The following DHX33 variants were observed in gnomAD, a reference collection of about 807,000 sequenced individuals.
DHX33 encodes ATP-dependent RNA helicase DHX33.
DHX33 carries 42 observed loss-of-function variants against 72.5 expected under a neutral mutation model. The observed-to-expected ratio is 0.58, with a 90% CI of 0.45 to 0.75. The LOEUF is 0.75. Ranked by LOEUF, DHX33 falls within the 30% of genes least tolerant of loss-of-function variation. The pLI is 0.00. For missense variants in DHX33, 842 were observed against 917.5 expected (o/e 0.92, Z 1.06); for synonymous variants, 358 against 366.1 (o/e 0.98, Z 0.25).
At chr17:5,460,301 A>G (rs2151690153) in intron 4 of DHX33, among the ~76,000 whole-genome samples, 1 of 152,276 alleles carries the variant, frequency 6.6e-6, no homozygotes, top group South Asian at 2.1e-4. Flanking sequence ...GGCGTGAGCC[A>G]CTGTGCCCAG....
At position 5,463,532 on chromosome 17, in the gene DHX33, C is replaced by A. The variant is rs1274568856; in HGVS notation, c.447G>T (p.Lys149Asn). 6.2e-7 allele frequency: 1 copy of A among 1,613,828 alleles called. No individual in the cohort carries two copies. Among genetic ancestry groups the A allele is most frequent in the South Asian group, 1.1e-5 (1 of 91,040 alleles). Residue 149 changes from lysine to asparagine, a missense_variant, in exon 2 of 12, where the codon AAG (lysine) becomes AAT (asparagine). Physicochemically the swap from Lys to Asn is moderately conservative, Grantham distance 94. Transcript: ENST00000225296. ...VSDEKRTELGKLVGYTVRFDD... is the reference protein window; with the variant it reads ...VSDEKRTELGNLVGYTVRFDD... ...TAGTCAAGAAGGAACCAGGTACCAGCTTCCCAAGTTCAGTTCTCTTCTCAT... is the reference window on the plus strand; with the variant it reads ...TAGTCAAGAAGGAACCAGGTACCAGATTCCCAAGTTCAGTTCTCTTCTCAT...
intron 4 of DHX33, among the ~76,000 whole-genome samples, chr17:5,457,054 C>A (rs1904349983): frequency 1.3e-5 from 2 of 152,308 alleles, no homozygotes; most frequent in Middle Eastern, 3.4e-3. Context: ...ATGTAAAGTG[C>A]TTAACACTTT....
rs1916416800 is a variant in DHX33 at position 5,440,998 on chromosome 17, T to C, written c.*3207A>G. 2 of 152,240 alleles carry C rather than the reference T, an allele frequency of 1.3e-5. 1 individual carries two copies. The highest frequency in any genetic ancestry group is 4.8e-5 in the African/African-American group (2 of 41,466). 9.4% of individuals were successfully genotyped at this position (152,240 alleles called of 1,614,324 possible). On this transcript the variant is annotated 3_prime_UTR_variant, in exon 12 of 12. Transcript: ENST00000225296. ...CAAGAGCTTTCTGTAGAGTTATTTC[T>C]GTTCAAATAAAACCAGACTCTCAAA...
chr17:5,445,795 C>A (rs1421082865), intron 11 of DHX33, among the ~76,000 whole-genome samples: 1 of 152,214 alleles, frequency 6.6e-6, no homozygotes, highest in East Asian at 1.9e-4. Context: ...GCAAGAGAAG[C>A]AGCAGGTCCA....
chr17:5,448,185 ACT>A (rs1208290330), intron 11 of DHX33, among the ~76,000 whole-genome samples: 1 of 152,162 alleles, frequency 6.6e-6, no homozygotes, highest in East Asian at 1.9e-4. Flanking sequence ...ACAGAGCAAG[ACT>A]CTGTCTCAAA....
At chr17:5,454,942 T>C (rs1245614119) in intron 6 of DHX33, among the ~76,000 whole-genome samples, 1 of 152,176 alleles carries the variant, frequency 6.6e-6, no homozygotes, top group Non-Finnish European at 1.5e-5. Context: ...CCAAGTTTGC[T>C]CAACCTGGGC....
chr17:5,460,938 C>A lies in DHX33; in HGVS notation c.849+1G>T. The A allele has an allele frequency of 6.2e-7, 1 of 1,610,698 alleles. No homozygotes were observed. The highest frequency in any genetic ancestry group is 8.5e-7 in the Non-Finnish European group (1 of 1,177,578). ...TCAGGAATTTGCCCCCAGCACCATA[C>A]CTGGTGGATCTGGAAGACGGAGACA... On this transcript the variant is annotated splice_donor_variant, in intron 4 of 11. Transcript: ENST00000225296. LOFTEE classifies it high-confidence loss of function.
At chr17:5,451,007 G>C in intron 8 of DHX33, 73 bp from the exon 9 acceptor site, 1 of 1,561,236 alleles carries the variant, frequency 6.4e-7, no homozygotes, top group Non-Finnish European at 8.7e-7. Flanking sequence ...AGTATTTCTG[G>C]GAGCTTCTGA....
At chr17:5,453,055 A>G (rs1917020281) in intron 8 of DHX33, among the ~76,000 whole-genome samples, 1 of 152,258 alleles carries the variant, frequency 6.6e-6, no homozygotes, top group African/African-American at 2.4e-5. Context: ...TTACTAATGA[A>G]CAGGAGAGAT....
chr17:5,464,413 C>G (rs933485654), intron 1 of DHX33, among the ~76,000 whole-genome samples: 3 of 151,958 alleles, frequency 2.0e-5, no homozygotes, highest in African/African-American at 4.8e-5. Flanking sequence ...GATAAAATAC[C>G]CTGTGTTGGT....
Position 5,468,739 on chromosome 17 carries a change from C to G in DHX33, c.121G>C (p.Gly41Arg). The G allele has an allele frequency of 6.2e-7, 1 of 1,611,262 alleles. No individual in the cohort carries two copies. The highest frequency in any genetic ancestry group is 8.5e-7 in the Non-Finnish European group (1 of 1,179,086). Residue 41 changes from glycine to arginine, a missense_variant, in exon 1 of 12, where the codon GGC becomes CGC. Physicochemically the swap from Gly to Arg is moderately radical, Grantham distance 125. Transcript: ENST00000225296. Reference protein sequence around the residue: ...QVVMLLTAGSGGRGGGGGRRQ... With the variant: ...QVVMLLTAGSRGRGGGGGRRQ... ...CGGCCTCCTCCTCCTCCTCTGCCGC[C>G]GCTGCCCGCAGTCAGCAGCATCACC...
Position 5,450,938 on chromosome 17 carries a change from A to T in DHX33, c.1397-4T>A. Reference sequence around the variant, plus strand: ...GCAATGGCCGCCTGAATGTGATCTAAAGAAACAGAGACATAAAAAGGAGCC... The same window carrying T: ...GCAATGGCCGCCTGAATGTGATCTATAGAAACAGAGACATAAAAAGGAGCC... On this transcript the variant is annotated splice_polypyrimidine_tract_variant and splice_region_variant and intron_variant, in intron 8 of 11. Coordinates refer to ENST00000225296, the MANE Select transcript of DHX33 (RefSeq NM_020162.4). The T allele has an allele frequency of 6.2e-7, 1 of 1,612,982 alleles. No individual in the cohort carries two copies. Among genetic ancestry groups the T allele is most frequent in the Non-Finnish European group, 8.5e-7 (1 of 1,179,664 alleles).
chr17:5,441,085 G>T lies in DHX33; in HGVS notation c.*3120C>A, dbSNP rs1224993665. ...CTCCCTCTAGTTACCAAGGAATATC[G>T]TATCTCAGATGCATGGCCTACTATC... On this transcript the variant is annotated 3_prime_UTR_variant, in exon 12 of 12. Coordinates refer to ENST00000225296, the MANE Select transcript of DHX33 (RefSeq NM_020162.4). 1 of 151,180 alleles carries T rather than the reference G, an allele frequency of 6.6e-6. No homozygotes were observed. Among genetic ancestry groups the T allele is most frequent in the Non-Finnish European group, 1.5e-5 (1 of 67,870 alleles). 9.4% of individuals were successfully genotyped at this position (151,180 alleles called of 1,614,324 possible).
At position 5,443,605 on chromosome 17, in the gene DHX33, C is replaced by T. The variant is rs1316665791; in HGVS notation, c.*600G>A. 1 of 152,498 alleles carries T rather than the reference C, an allele frequency of 6.6e-6. No homozygotes were observed. The highest frequency in any genetic ancestry group is 2.4e-5 in the African/African-American group (1 of 41,414). The allele number at this position is 152,498 out of a possible 1,614,324, so 9.4% of individuals were successfully genotyped here. ...TCCCAGGAGGTACGAGATAACAGCA[C>T]CTCCCTCTGGAAACTTCTACAGAAG... On this transcript the variant is annotated 3_prime_UTR_variant, in exon 12 of 12. Coordinates refer to ENST00000225296, the MANE Select transcript of DHX33 (RefSeq NM_020162.4).
chr17:5,464,158 C>T (rs377014691), intron 1 of DHX33, among the ~76,000 whole-genome samples: 5 of 152,170 alleles, frequency 3.3e-5, no homozygotes, highest in African/African-American at 9.6e-5. Context: ...AGGGAGATGC[C>T]GTCTCTACAA....
intron 2 of DHX33, among the ~76,000 whole-genome samples, chr17:5,463,297 G>A (rs542890050): frequency 1.3e-5 from 2 of 152,292 alleles, no homozygotes; most frequent in East Asian, 1.9e-4. Flanking sequence ...GGCTTAAGAT[G>A]TTCAAGGAAA....
Position 5,462,445 on chromosome 17 carries a change from CAA to C in DHX33, c.550_551del (p.Leu184AlafsTer11), listed in dbSNP as rs1365317165. 1.4e-5 allele frequency: 22 copies of C among 1,614,092 alleles called. No homozygotes were observed. The highest frequency in any genetic ancestry group is 1.7e-5 in the Non-Finnish European group (20 of 1,180,044). ...MLLREAISDS[L>X]LRKYSCVILD... is the part of the protein sequence containing the mutation. The stretch of plus-strand genomic sequence containing the variant: ...AAATGACACAGCTGTATTTCCGAAG[CAA>C]AGAGTCTGAAATTGCTTCACGCAGA... On this transcript the variant is annotated frameshift_variant, in exon 3 of 12. Transcript: ENST00000225296. LOFTEE classifies it high-confidence loss of function.
chr17:5,462,530 C>T lies in DHX33; in HGVS notation c.467G>A (p.Arg156His), dbSNP rs2151691558. The T allele has an allele frequency of 2.5e-6, 4 of 1,613,926 alleles. No individual in the cohort carries two copies. The highest frequency in any genetic ancestry group is 2.2e-5 in the East Asian group (1 of 44,880). The change falls in exon 3 of 12, where the codon CGC (arginine) becomes CAC (histidine). Residue 156 changes from arginine (R) to histidine (H), a missense_variant. Transcript: ENST00000225296. ...ELGKLVGYTV[R>H]FDDVTSEDTR... Reference sequence around the variant, plus strand: ...GTCTTCTGAGGTGACATCATCAAAGCGCACTGTATAGCCAACCTGTGCAGG... The same window carrying T: ...GTCTTCTGAGGTGACATCATCAAAGTGCACTGTATAGCCAACCTGTGCAGG...
At chr17:5,455,940 TGGTGG>T in intron 5 of DHX33, 52 bp downstream of exon 5, 1 of 1,550,476 alleles carries the variant, frequency 6.4e-7, no homozygotes, top group Admixed American at 1.9e-5. Flanking sequence ...CAGACCTCGC[TGGTGG>T]ATCCGTCTGG....
Sources: allele counts gnomAD v4.1 joint callset (sites outside exome capture counted in the v4.1 genomes callset), GRCh38; gene constraint gnomAD v4.1.1; transcripts MANE v1.5; gene names NCBI Gene and HGNC (gene_info 2026-07-23, HGNC 2026-07-21).